The following ZNF610 variants were observed in gnomAD, a reference collection of about 807,000 sequenced individuals.
The protein encoded by ZNF610 is zinc finger protein 610, also known as zink finger protein.
ZNF610 carries 14 observed loss-of-function variants against 14.1 expected under a neutral mutation model. The ratio of observed to expected loss-of-function variants is 0.99; its 90% CI spans 0.65 to 1.55. ZNF610 has a LOEUF of 1.55. Among genes scored for constraint, ZNF610 ranks in the 40% most tolerant of loss-of-function variants. The pLI is 0.00. For missense variants in ZNF610, 530 were observed against 558.0 expected (o/e 0.95, Z 0.51); for synonymous variants, 185 against 187.6 (o/e 0.99, Z 0.11).
chr19:52,354,697 GCCTC>G (rs1471912833), intron 5 of ZNF610, among the ~76,000 whole-genome samples: 3 of 149,706 alleles, frequency 2.0e-5, no homozygotes, highest in African/African-American at 4.9e-5. Context: ...TCGTGCCTCA[GCCTC>G]CCCAGTAGCT....
chr19:52,353,837 G>T (rs1399801245), intron 4 of ZNF610, 29 bp downstream of exon 4: 2 of 1,600,274 alleles, frequency 1.2e-6, no homozygotes, highest in Admixed American at 1.8e-5. Flanking sequence ...CAGAAGCCGG[G>T]ATCTGCTCTA....
chr19:52,356,761 T>G (rs962213242), intron 5 of ZNF610, among the ~76,000 whole-genome samples: 9 of 152,210 alleles, frequency 5.9e-5, no homozygotes, highest in Non-Finnish European at 1.2e-4. Flanking sequence ...AATATGCTGT[T>G]TTAAAATTGT....
At chr19:52,336,834 C>T (rs1359593659) in intron 1 of ZNF610, among the ~76,000 whole-genome samples, 1 of 152,086 alleles carries the variant, frequency 6.6e-6, no homozygotes, top group Non-Finnish European at 1.5e-5. Context: ...GACGTGACTT[C>T]TTCTGTCTTA....
chr19:52,338,593 A>C (rs1984492259), intron 1 of ZNF610, among the ~76,000 whole-genome samples: 1 of 152,114 alleles, frequency 6.6e-6, no homozygotes, highest in Non-Finnish European at 1.5e-5. Context: ...AGACACAAGA[A>C]TCTCTTGATC....
intron 1 of ZNF610, among the ~76,000 whole-genome samples, chr19:52,340,784 G>A (rs1005486516): frequency 2.6e-5 from 4 of 152,012 alleles, no homozygotes; most frequent in Admixed American, 6.6e-5. Flanking sequence ...GGGTTCAAGC[G>A]ATTCTCCTGC....
rs1491345745 is a variant in ZNF610, at chr19:52,354,604, T to TG, written c.319+226dup. 1.3e-3 allele frequency among the ~76,000 whole-genome samples: 168 copies of TG among 134,106 alleles called. 1 individual carries two copies. The highest frequency in any genetic ancestry group is 5.2e-3 in the African/African-American group (157 of 30,308). The allele number at this position is 134,106 out of a possible 152,430, so 88.0% of individuals were successfully genotyped here. Reference sequence around the variant, plus strand: ...TATTTTTTTTTTTTTTTTTTTTTTTTGTCTCACTCCGTTGCCCAGGCTGGA... The same window carrying TG: ...TATTTTTTTTTTTTTTTTTTTTTTTTGGTCTCACTCCGTTGCCCAGGCTGGA... On this transcript the variant is annotated intron_variant, in intron 5 of 5. Transcript: ENST00000403906.
chr19:52,339,531 T>G (rs573297213), intron 1 of ZNF610, among the ~76,000 whole-genome samples: 25 of 146,132 alleles, frequency 1.7e-4, no homozygotes, highest in African/African-American at 5.8e-4. Context: ...ACAAAGCACA[T>G]CCTGCACAGC....
At chr19:52,340,422 G>A (rs1290389769) in intron 1 of ZNF610, among the ~76,000 whole-genome samples, 1 of 152,090 alleles carries the variant, frequency 6.6e-6, no homozygotes, top group Non-Finnish European at 1.5e-5. Context: ...GGGCGGCATA[G>A]TATTCTGTGC....
At position 52,341,727 on chromosome 19, in the gene ZNF610, A is replaced by G. The variant is rs1038021348; in HGVS notation, c.-258+5221A>G. On this transcript the variant is annotated intron_variant, in intron 1 of 5. Coordinates refer to ENST00000403906, the MANE Select transcript of ZNF610 (RefSeq NM_001161425.2). ...CTGTAACCTCGAACTCCTAGGCTCA[A>G]ATGATCCTCCTGCCTCAGTCTCCCA... Among the ~76,000 whole-genome samples, 6 of 152,266 alleles carry G rather than the reference A, an allele frequency of 3.9e-5. No individual in the cohort carries two copies. The South Asian group carries it at 1.2e-3, about 32-fold the overall frequency.
intron 1 of ZNF610, chr19:52,344,001 C>T (rs747153593): frequency 3.9e-5 from 6 of 152,218 alleles, no homozygotes; most frequent in Admixed American, 6.5e-5. Context: ...GCTGGGAATC[C>T]AACCACATTC....
In ZNF610 at chr19:52,366,445, T is replaced by A. The variant is rs1986062760; in HGVS notation, c.1067T>A (p.Leu356His). The A allele has an allele frequency of 6.2e-7, 1 of 1,613,462 alleles. No homozygotes were observed. The highest frequency in any genetic ancestry group is 8.5e-7 in the Non-Finnish European group (1 of 1,179,902). ...CNECGKVFSL[L>H]SYLARHQIIH... is the part of the protein sequence containing the mutation. ...GAATGTGGCAAGGTCTTTAGTCTGC[T>A]TTCATACCTTGCACGGCATCAAATA... is the stretch of plus-strand genomic sequence containing the variant. Residue 356 changes from leucine to histidine, a missense_variant, in exon 6 of 6, where the codon CTT becomes CAT. Leu to His is a moderately conservative substitution (Grantham distance 99). Coordinates refer to ENST00000403906, the MANE Select transcript of ZNF610 (RefSeq NM_001161425.2).
intron 5 of ZNF610, among the ~76,000 whole-genome samples, chr19:52,363,994 C>T (rs1312875430): frequency 6.6e-6 from 1 of 152,170 alleles, no homozygotes; most frequent in Non-Finnish European, 1.5e-5. Flanking sequence ...ATCCCCTTCT[C>T]ATCTCCTCTG....
intron 3 of ZNF610, among the ~76,000 whole-genome samples, chr19:52,352,981 C>T (rs1014770866): frequency 6.6e-6 from 1 of 152,082 alleles, no homozygotes; most frequent in African/African-American, 2.4e-5. Flanking sequence ...TCTTGTCGCC[C>T]AGGCTGGAGT....
chr19:52,353,832 G>C (rs777027975), intron 4 of ZNF610, 24 bp downstream of exon 4: 1 of 1,602,308 alleles, frequency 6.2e-7, no homozygotes, highest in Non-Finnish European at 8.5e-7. Context: ...CCCTCCAGAA[G>C]CCGGGATCTG....
At chr19:52,355,307 G>A (rs1985472274) in intron 5 of ZNF610, among the ~76,000 whole-genome samples, 1 of 152,162 alleles carries the variant, frequency 6.6e-6, no homozygotes, top group African/African-American at 2.4e-5. Flanking sequence ...ATGGGAAGAT[G>A]TAATCAGGAA....
chr19:52,353,370 T>C (rs1239125418), intron 3 of ZNF610, among the ~76,000 whole-genome samples: 4 of 152,242 alleles, frequency 2.6e-5, no homozygotes, highest in Non-Finnish European at 5.9e-5. Context: ...TGGACAAAAG[T>C]GTATTTATAG....
intron 3 of ZNF610, among the ~76,000 whole-genome samples, chr19:52,351,474 G>T (rs1027449696): frequency 5.3e-5 from 8 of 151,444 alleles, no homozygotes; most frequent in African/African-American, 1.9e-4. Flanking sequence ...AAAAAAGAAA[G>T]AAATCAGTCA....
At chr19:52,342,543 G>A (rs1483856688) in intron 1 of ZNF610, among the ~76,000 whole-genome samples, 1 of 143,904 alleles carries the variant, frequency 6.9e-6, no homozygotes, top group Non-Finnish European at 1.5e-5. Flanking sequence ...TTTTTGAGAC[G>A]GAGTCTTACT....
intron 3 of ZNF610, among the ~76,000 whole-genome samples, chr19:52,350,982 A>G (rs1011401128): frequency 6.6e-6 from 1 of 152,144 alleles, no homozygotes; most frequent in Non-Finnish European, 1.5e-5. Context: ...CCTTGGAAAC[A>G]AGAGCAAAAC....
Sources: allele counts gnomAD v4.1 joint callset (sites outside exome capture counted in the v4.1 genomes callset), GRCh38; gene constraint gnomAD v4.1.1; transcripts MANE v1.5; gene names NCBI Gene and HGNC (gene_info 2026-07-23, HGNC 2026-07-21).